The following CELF2 variants were observed in gnomAD, a reference collection of about 807,000 sequenced individuals.
CELF2 encodes the protein CUGBP Elav-like family member 2.
Under a neutral mutation model 62.6 loss-of-function variants are expected in CELF2, and 8 were observed. That is an observed-to-expected ratio of 0.13 (90% CI 0.07 to 0.23). The LOEUF (loss-of-function observed/expected upper bound fraction) is 0.23. Ranked by LOEUF, CELF2 falls within the 10% of genes least tolerant of loss-of-function variation. The pLI, the probability that CELF2 is intolerant of heterozygous loss-of-function variation, is 1.00. For missense variants in CELF2, 333 were observed against 671.0 expected (o/e 0.50, Z 5.56); for synonymous variants, 258 against 250.0 (o/e 1.03, Z -0.30).
In CELF2 at chr10:11,336,367, A is replaced by T. The variant is rs1275587211; in HGVS notation, c.*7314A>T. The stretch of plus-strand genomic sequence containing the variant: ...GCTTGGGCAAATCACTGGGAATATT[A>T]TCTTCATGTGACCATGAAACGTTTC... On this transcript the variant is annotated 3_prime_UTR_variant, in exon 13 of 13. Transcript: ENST00000633077. This position sits in a 1 kb window ranked among gnomAD's most constrained non-coding sequence, Gnocchi z 5.4. 6.6e-6 allele frequency: 1 copy of T among 152,638 alleles called. No homozygotes were observed. The highest frequency in any genetic ancestry group is 1.5e-5 in the Non-Finnish European group (1 of 68,036). 9.5% of individuals were successfully genotyped at this position (152,638 alleles called of 1,614,324 possible). A position where few individuals can be genotyped will look rare whatever the true frequency, so the allele number is the denominator to read the frequency against.
At position 11,296,697 on chromosome 10, in the gene CELF2, G is replaced by A. The variant is rs893800655; in HGVS notation, c.976+8145G>A. 2.0e-5 allele frequency among the ~76,000 whole-genome samples: 3 copies of A among 152,098 alleles called. No individual in the cohort carries two copies. The highest frequency in any genetic ancestry group is 6.6e-5 in the Admixed American group (1 of 15,260). ...CCTACAAACACAAGCAAAATGTACC[G>A]ACCTGTACAGCACAGACAGCAGGAA... On this transcript the variant is annotated intron_variant, in intron 9 of 12. Transcript: ENST00000633077. The surrounding 1 kb of genome is among the most constrained non-coding windows in gnomAD (Gnocchi z 5.0).
chr10:11,004,403 CTG>C (rs540226284), upstream of CELF2, among the ~76,000 whole-genome samples: 10 of 146,626 alleles, frequency 6.8e-5, no homozygotes, highest in Middle Eastern at 3.4e-3. The surrounding 1 kb of genome is among the most constrained non-coding windows in gnomAD (Gnocchi z 5.0). Flanking sequence ...CTCTTCTTTC[CTG>C]TGTGTGTGTG....
chr10:10,671,538 C>T, the CELF2 span, among the ~76,000 whole-genome samples: 3 of 152,144 alleles, frequency 2.0e-5, no homozygotes, highest in Non-Finnish European at 4.4e-5. Context: ...CTGTATTATG[C>T]CACATTCCCA....
intron 1 of CELF2, chr10:10,846,020 C>A: frequency 1.5e-6 from 1 of 677,288 alleles, no homozygotes; most frequent in Non-Finnish European, 1.8e-6. Flanking sequence ...GCTTCGGCAT[C>A]TGTAAAATGA....
chr10:10,867,748 T>C (rs2060477334), intron 1 of CELF2, among the ~76,000 whole-genome samples: 1 of 152,194 alleles, frequency 6.6e-6, no homozygotes, highest in South Asian at 2.1e-4. Flanking sequence ...TTCTTTGTCT[T>C]CTCCTGACCT....
chr10:11,033,371 C>T (rs1275788226), intron 1 of CELF2, among the ~76,000 whole-genome samples: 1 of 151,998 alleles, frequency 6.6e-6, no homozygotes, highest in Non-Finnish European at 1.5e-5. Context: ...GATTCTCGTG[C>T]CTCAGCTTCC....
At chr10:10,960,323 T>C (rs2049351555) in intron 2 of CELF2, 1 of 152,254 alleles carries the variant, frequency 6.6e-6, no homozygotes, top group Non-Finnish European at 1.5e-5. Context: ...GGAATTGAAC[T>C]GAATGTGCTG....
intron 1 of CELF2, among the ~76,000 whole-genome samples, chr10:10,864,296 CTCCAGTGCAT>C (rs1404661456): frequency 1.3e-5 from 2 of 151,874 alleles, no homozygotes; most frequent in East Asian, 3.9e-4. Flanking sequence ...TACATCATTT[CTCCAGTGCAT>C]TCCATTAGCA....
rs573119812 is a variant in CELF2, at chr10:11,217,104, G to T, written c.272-321G>T. The stretch of plus-strand genomic sequence containing the variant: ...ATTGTGATTAAATGCTTCTCTTCAC[G>T]TAGGTGCTATAACACAGGTCCCATT... On this transcript the variant is annotated intron_variant, in intron 2 of 12. Coordinates refer to ENST00000633077, the MANE Select transcript of CELF2 (RefSeq NM_001326342.2). The surrounding 1 kb of genome is among the most constrained non-coding windows in gnomAD (Gnocchi z 5.6). Among the ~76,000 whole-genome samples the T allele has an allele frequency of 1.3e-5, 2 of 152,154 alleles. No homozygotes were observed. The highest frequency in any genetic ancestry group is 1.3e-4 in the Admixed American group (2 of 15,284).
the CELF2 span, among the ~76,000 whole-genome samples, chr10:10,718,390 A>G: frequency 0.017 from 2,518 of 152,168 alleles, 32 homozygotes; most frequent in African/African-American, 0.037. Context: ...TTGGGAGGCC[A>G]AGACTGGTGG....
At chr10:10,636,787 T>A in the CELF2 span, among the ~76,000 whole-genome samples, 1 of 152,136 alleles carries the variant, frequency 6.6e-6, no homozygotes, top group African/African-American at 2.4e-5. Context: ...GTGAAGATGA[T>A]CTGTAAGAGA....
chr10:10,990,602 A>G lies in CELF2; in HGVS notation c.89+70603A>G, dbSNP rs1312715561. ...GGTAAAGTTTTAGTAGTATAATAGT[A>G]TAATATACGCTCAGTGGCAATTCAG... is the stretch of plus-strand genomic sequence containing the variant. On this transcript the variant is annotated intron_variant, in intron 2 of 13. Transcript: ENST00000636488. The surrounding 1 kb of genome is among the most constrained non-coding windows in gnomAD (Gnocchi z 4.6). Among the ~76,000 whole-genome samples the G allele has an allele frequency of 1.3e-5, 2 of 152,202 alleles. No individual in the cohort carries two copies. The highest frequency in any genetic ancestry group is 2.9e-5 in the Non-Finnish European group (2 of 68,020).
At chr10:11,273,713 T>C (rs1400248369) in intron 7 of CELF2, among the ~76,000 whole-genome samples, 1 of 143,474 alleles carries the variant, frequency 7.0e-6, no homozygotes, top group East Asian at 2.0e-4. Flanking sequence ...TCTGAAAGTT[T>C]TGTTTTTTTG....
rs1011165096 is a variant in CELF2 at position 11,133,928 on chromosome 10, T to A, written c.75-31558T>A. 2.6e-5 allele frequency among the ~76,000 whole-genome samples: 4 copies of A among 152,214 alleles called. No homozygotes were observed. In the East Asian group the frequency reaches 7.7e-4, roughly 29 times the overall value. ...AGATGTTAAGCAGAGGCTGAAACAC[T>A]TGACACTTAGCCAGCAAATTTGGTT... is the stretch of plus-strand genomic sequence containing the variant. On this transcript the variant is annotated intron_variant, in intron 1 of 12. Transcript: ENST00000633077.
the CELF2 span, among the ~76,000 whole-genome samples, chr10:10,513,141 TG>T: frequency 6.6e-6 from 1 of 152,356 alleles, no homozygotes; most frequent in South Asian, 2.1e-4. Context: ...GCATTAATAA[TG>T]GACCAACTTC....
chr10:11,079,321 AC>A (rs1215345526), intron 1 of CELF2, among the ~76,000 whole-genome samples: 21 of 152,330 alleles, frequency 1.4e-4, no homozygotes, highest in African/African-American at 5.1e-4. Flanking sequence ...TTTAGCAGAT[AC>A]CCAGCTTTTA....
intron 1 of CELF2, among the ~76,000 whole-genome samples, chr10:11,080,277 G>T (rs1206687222): frequency 6.6e-6 from 1 of 152,096 alleles, no homozygotes. Context: ...CTTTTTCTTT[G>T]TTTAAATGAG....
At chr10:10,645,877 C>G in the CELF2 span, among the ~76,000 whole-genome samples, 8 of 152,294 alleles carry the variant, frequency 5.3e-5, no homozygotes, top group African/African-American at 1.9e-4. Flanking sequence ...TTTTGTGATT[C>G]CATGAAAGCA....
rs894808307 is a variant in CELF2, at chr10:10,839,743, T to G, written c.53+40926T>G. On this transcript the variant is annotated intron_variant, in intron 1 of 13. Coordinates refer to the CELF2 transcript ENST00000636488. The stretch of plus-strand genomic sequence containing the variant: ...GATGTTTTTTGAAATTTGCACAAAT[T>G]AAGTTTCACTCTTTGTACTATAAGG... Among the ~76,000 whole-genome samples, 6 of 152,162 alleles carry G rather than the reference T, an allele frequency of 3.9e-5. No homozygotes were observed. In the South Asian group the frequency reaches 1.0e-3, roughly 26 times the overall value.
Sources: allele counts gnomAD v4.1 joint callset (sites outside exome capture counted in the v4.1 genomes callset), GRCh38; gene constraint gnomAD v4.1.1; non-coding constraint Gnocchi (gnomAD v3.1); transcripts MANE v1.5; gene names NCBI Gene and HGNC (gene_info 2026-07-23, HGNC 2026-07-21).